Variants in RANBP17 observed in about 807,000 individuals in gnomAD.
RANBP17 encodes RAN binding protein 17, also known as ran-binding protein 17.
RANBP17 carries 158 observed loss-of-function variants against 141.2 expected under a neutral mutation model. That is an observed-to-expected ratio of 1.12 (90% CI 0.98 to 1.28). RANBP17 has a LOEUF of 1.28. Among genes scored for constraint, RANBP17 ranks in the 50% most tolerant of loss-of-function variants. The pLI, the probability that RANBP17 is intolerant of heterozygous loss-of-function variation, is 0.00. For synonymous variants in RANBP17, 430 were observed against 450.0 expected (o/e 0.96, Z 0.56); for missense variants, 1,438 against 1,290.7 (o/e 1.11, Z -1.75).
chr5:171,153,857 A>G (rs961686273), intron 14 of RANBP17, among the ~76,000 whole-genome samples: 4 of 151,906 alleles, frequency 2.6e-5, no homozygotes, highest in African/African-American at 7.3e-5. Context: ...GAGAAACCCC[A>G]TCTCTACTAA....
chr5:171,233,653 A>C (rs1404748620), intron 22 of RANBP17, among the ~76,000 whole-genome samples: 2 of 152,248 alleles, frequency 1.3e-5, no homozygotes, highest in Admixed American at 1.3e-4. Flanking sequence ...AAAGCCTTAC[A>C]TACTGTATAA....
intron 12 of RANBP17, among the ~76,000 whole-genome samples, chr5:170,940,130 A>G (rs1244130803): frequency 6.6e-6 from 1 of 152,216 alleles, no homozygotes; most frequent in Non-Finnish European, 1.5e-5. Flanking sequence ...AAAATAGCCA[A>G]TTAATTATAA....
intron 12 of RANBP17, among the ~76,000 whole-genome samples, chr5:170,947,047 T>G (rs1227035713): frequency 6.6e-6 from 1 of 152,210 alleles, no homozygotes; most frequent in Non-Finnish European, 1.5e-5. Flanking sequence ...AAATAAATTT[T>G]ATCAAGTAGG....
intron 14 of RANBP17, among the ~76,000 whole-genome samples, chr5:171,062,580 G>C (rs982723578): frequency 6.6e-6 from 1 of 152,066 alleles, no homozygotes; most frequent in Non-Finnish European, 1.5e-5. Flanking sequence ...TTTCTCTCTG[G>C]CTGCCCTTAA....
intron 14 of RANBP17, among the ~76,000 whole-genome samples, chr5:171,033,581 A>G (rs990301020): frequency 6.6e-6 from 1 of 152,058 alleles, no homozygotes; most frequent in East Asian, 1.9e-4. Context: ...AATCATGAAC[A>G]TATGCTAATT....
chr5:171,130,930 A>T (rs1581700153), intron 14 of RANBP17, among the ~76,000 whole-genome samples: 1 of 152,320 alleles, frequency 6.6e-6, no homozygotes, highest in Admixed American at 6.5e-5. Flanking sequence ...AAACTATAGT[A>T]TACATGTTTA....
At chr5:171,093,507 A>G (rs749735022) in intron 14 of RANBP17, among the ~76,000 whole-genome samples, 6 of 152,234 alleles carry the variant, frequency 3.9e-5, no homozygotes, top group Non-Finnish European at 8.8e-5. Context: ...TGTATGTGGT[A>G]GCTTATGTAA....
chr5:170,965,774 C>G (rs1274755543), intron 13 of RANBP17, among the ~76,000 whole-genome samples: 2 of 152,110 alleles, frequency 1.3e-5, no homozygotes, highest in Admixed American at 1.3e-4. Flanking sequence ...GTTTTGGTAC[C>G]AGTACCATGC....
chr5:171,247,065 A>G (rs916339670), intron 24 of RANBP17, among the ~76,000 whole-genome samples: 3 of 152,226 alleles, frequency 2.0e-5, no homozygotes, highest in East Asian at 1.9e-4. Flanking sequence ...TATTTTCATT[A>G]TACAGATGAG....
chr5:171,073,362 G>C (rs1372794673), intron 14 of RANBP17, among the ~76,000 whole-genome samples: 1 of 152,130 alleles, frequency 6.6e-6, no homozygotes, highest in Non-Finnish European at 1.5e-5. Context: ...TTGAACTCTA[G>C]TTGGTAAATT....
At chr5:171,296,071 A>G in intron 27 of RANBP17, 57 bp downstream of exon 27, 1 of 1,566,364 alleles carries the variant, frequency 6.4e-7, no homozygotes, top group South Asian at 1.1e-5. Flanking sequence ...GGTTTGTTGA[A>G]AATAACTCTC....
chr5:171,175,032 T>C (rs1760353780), intron 16 of RANBP17, among the ~76,000 whole-genome samples: 1 of 152,076 alleles, frequency 6.6e-6, no homozygotes, highest in Admixed American at 6.6e-5. Context: ...CTCCCACTTA[T>C]GAGTGAGAAC....
intron 14 of RANBP17, among the ~76,000 whole-genome samples, chr5:171,038,832 A>G (rs990828518): frequency 6.6e-6 from 1 of 152,064 alleles, no homozygotes. Flanking sequence ...TGGTGAATTA[A>G]TTGTTGATGT....
intron 13 of RANBP17, among the ~76,000 whole-genome samples, chr5:170,955,641 GCTCAGTGTATATATATA>G (rs1561928015): frequency 5.4e-5 from 1 of 18,646 alleles, no homozygotes; most frequent in Non-Finnish European, 9.6e-5. Context: ...ATATATATAT[GCTCAGTGTATATATATA>G]TATATATATA....
At chr5:170,862,286 CGGCGGGTGGAGGG>C (rs1275609038) in intron 1 of RANBP17, among the ~76,000 whole-genome samples, 2 of 150,724 alleles carry the variant, frequency 1.3e-5, no homozygotes, top group East Asian at 2.0e-4. Context: ...GGGTTGGAGG[CGGCGGGTGGAGGG>C]GGCGGGGGAC....
intron 22 of RANBP17, among the ~76,000 whole-genome samples, chr5:171,233,791 G>A (rs934212202): frequency 2.6e-5 from 4 of 152,208 alleles, no homozygotes; most frequent in Non-Finnish European, 5.9e-5. Flanking sequence ...TTGAAACTCT[G>A]TGTGATACTA....
At chr5:171,121,032 A>G (rs922015802) in intron 14 of RANBP17, among the ~76,000 whole-genome samples, 4 of 152,152 alleles carry the variant, frequency 2.6e-5, no homozygotes, top group South Asian at 4.1e-4. Context: ...AAGTGTCTCA[A>G]TGGCCTAGAA....
At chr5:171,144,372 A>G (rs568087760) in intron 14 of RANBP17, among the ~76,000 whole-genome samples, 5 of 152,244 alleles carry the variant, frequency 3.3e-5, no homozygotes, top group East Asian at 1.9e-4. Flanking sequence ...ATCTCAAAAA[A>G]AAAGAAAGAA....
chr5:170,939,532 G>A (rs551846298), intron 12 of RANBP17, among the ~76,000 whole-genome samples: 13 of 152,016 alleles, frequency 8.6e-5, no homozygotes, highest in Non-Finnish European at 1.6e-4. Flanking sequence ...CTACAGTCAT[G>A]CACCATGCCG....
Sources: allele counts gnomAD v4.1 joint callset (sites outside exome capture counted in the v4.1 genomes callset), GRCh38; gene constraint gnomAD v4.1.1; transcripts MANE v1.5; gene names NCBI Gene and HGNC (gene_info 2026-07-23, HGNC 2026-07-21).